GABRA3: variants seen among roughly 807,000 people sequenced by gnomAD.
The protein encoded by GABRA3 is gamma-aminobutyric acid type A receptor subunit alpha3.
GABRA3 carries 10 observed loss-of-function variants against 30.1 expected under a neutral mutation model. That is an observed-to-expected ratio of 0.33 (90% confidence interval 0.20 to 0.56). GABRA3 has a LOEUF of 0.56. Among genes scored for constraint, GABRA3 ranks in the 20% least tolerant of loss-of-function variants. GABRA3 has a pLI of 0.89. For synonymous variants in GABRA3, 151 were observed against 146.8 expected (o/e 1.03, Z -0.21); for missense variants, 233 against 392.0 (o/e 0.59, Z 3.42).
chrX:152,275,673 C>T lies in GABRA3; in HGVS notation c.330+8995G>A, dbSNP rs184467401. ...ACTGGGGAGGCTGAGGCAGGAGAAT[C>T]GCTTGAACCTGGGAGGCAGAAGTTG... is the stretch of plus-strand genomic sequence containing the variant. On this transcript the variant is annotated intron_variant, in intron 4 of 9. Coordinates refer to ENST00000370314, the MANE Select transcript of GABRA3 (RefSeq NM_000808.4). Among the ~76,000 whole-genome samples the T allele has an allele frequency of 8.0e-3, 859 of 107,789 alleles. 16 individuals are homozygous for T. Among genetic ancestry groups the T allele is most frequent in the East Asian group, 0.062 (218 of 3,492 alleles). 93.6% of individuals were successfully genotyped at this position (107,789 alleles called of 115,157 possible). A position where few individuals can be genotyped will look rare whatever the true frequency, so the allele number is the denominator to read the frequency against.
At chrX:152,410,856 C>G (rs1174520652) in intron 1 of GABRA3, among the ~76,000 whole-genome samples, 1 of 111,202 alleles carries the variant, frequency 9.0e-6, no homozygotes, top group Non-Finnish European at 1.9e-5. Flanking sequence ...GAAACTGTCC[C>G]TGGACAAAAT....
chrX:152,241,563 C>T (rs1395965230), intron 5 of GABRA3, among the ~76,000 whole-genome samples: 1 of 109,069 alleles, frequency 9.2e-6, no homozygotes, highest in Non-Finnish European at 1.9e-5. Context: ...GCTTTGTTTA[C>T]CTAAGCAAGC....
intron 5 of GABRA3, among the ~76,000 whole-genome samples, chrX:152,238,737 G>C (rs867719032): frequency 9.4e-6 from 1 of 106,947 alleles, no homozygotes; most frequent in African/African-American, 3.4e-5. Flanking sequence ...TGTATGTGTC[G>C]AGGAATTTAT....
At chrX:152,248,001 C>A (rs1246332420) in intron 5 of GABRA3, among the ~76,000 whole-genome samples, 3 of 110,919 alleles carry the variant, frequency 2.7e-5, no homozygotes, top group Non-Finnish European at 3.8e-5. Context: ...GGGACATTCT[C>A]AACGCACCTT....
intron 4 of GABRA3, among the ~76,000 whole-genome samples, chrX:152,280,416 A>G (rs1939178624): frequency 9.0e-6 from 1 of 111,459 alleles, no homozygotes; most frequent in Admixed American, 9.6e-5. Context: ...AGACATAGCT[A>G]CTTTTTCTAG....
chrX:152,185,481 C>T (rs1165571669), intron 9 of GABRA3, among the ~76,000 whole-genome samples: 2 of 111,299 alleles, frequency 1.8e-5, no homozygotes, highest in Non-Finnish European at 3.8e-5. Context: ...TAAGTCCTCT[C>T]TCTGTCTTCA....
intron 1 of GABRA3, among the ~76,000 whole-genome samples, chrX:152,432,389 C>T (rs749102539): frequency 4.1e-4 from 45 of 110,889 alleles, no homozygotes; most frequent in Admixed American, 3.3e-3. Flanking sequence ...AAATTAAGAC[C>T]TCATATACTT....
intron 9 of GABRA3, among the ~76,000 whole-genome samples, chrX:152,184,093 C>G (rs1248125680): frequency 9.1e-6 from 1 of 110,043 alleles, no homozygotes; most frequent in Non-Finnish European, 1.9e-5. Context: ...TTTTCAATAC[C>G]TCTTCCTTAT....
intron 1 of GABRA3, among the ~76,000 whole-genome samples, chrX:152,446,555 TA>T (rs1183184344): frequency 0.012 from 1,116 of 97,022 alleles, 12 homozygotes; most frequent in African/African-American, 0.029. Context: ...TCCCATATCC[TA>T]AAAAAAAAAA....
chrX:152,260,276 G>T (rs1192630263), intron 4 of GABRA3, among the ~76,000 whole-genome samples: 1 of 111,702 alleles, frequency 9.0e-6, no homozygotes, highest in Non-Finnish European at 1.9e-5. Flanking sequence ...CTCCCAGATG[G>T]CATGTCTAGA....
chrX:152,249,186 C>A (rs887598675), intron 5 of GABRA3, among the ~76,000 whole-genome samples: 8 of 110,654 alleles, frequency 7.2e-5, no homozygotes, highest in African/African-American at 2.6e-4. Context: ...TATATTACAC[C>A]CCTAATACTT....
chrX:152,190,270 C>A (rs1323339839), intron 8 of GABRA3, among the ~76,000 whole-genome samples: 3 of 109,498 alleles, frequency 2.7e-5, no homozygotes, highest in Admixed American at 2.0e-4. Context: ...AAAAAAAAAA[C>A]TAGCTCACGA....
rs772008991 is a variant in GABRA3, at chrX:152,244,460, C to T, written c.551+11318G>A. ...AAAGGAAAATGTTAGTCTCTTCTGC[C>T]ATGTGAGGACACAGCAAAAAGTTGC... On this transcript the variant is annotated intron_variant, in intron 5 of 9. Transcript: ENST00000370314. Among the ~76,000 whole-genome samples the T allele has an allele frequency of 5.4e-5, 6 of 111,923 alleles. No individual in the cohort carries two copies. The East Asian group carries it at 1.7e-3, about 31-fold the overall frequency.
At chrX:152,205,563 C>T (rs773972737) in intron 7 of GABRA3, among the ~76,000 whole-genome samples, 39 of 111,822 alleles carry the variant, frequency 3.5e-4, no homozygotes, top group South Asian at 1.9e-3. Flanking sequence ...GCTACACTTC[C>T]TAGTGACAAC....
chrX:152,393,501 G>T (rs758874697), intron 1 of GABRA3: 1 of 376,374 alleles, frequency 2.7e-6, no homozygotes, highest in Non-Finnish European at 5.3e-6. Flanking sequence ...CAACCATGGT[G>T]CATGAGCAAA....
In GABRA3 at chrX:152,416,698, C is replaced by T. The variant is rs767870500; in HGVS notation, c.-27+34448G>A. 6.5e-4 allele frequency among the ~76,000 whole-genome samples: 72 copies of T among 110,818 alleles called. No individual in the cohort carries two copies. The East Asian group carries it at 0.019, about 30-fold the overall frequency. ...AGAGATATAGATCAATGGAACAGAA[C>T]AGAGCCCTCAGAAATAACACCACAT... On this transcript the variant is annotated intron_variant, in intron 1 of 9. Coordinates refer to ENST00000370314, the MANE Select transcript of GABRA3 (RefSeq NM_000808.4).
At chrX:152,315,644 G>A (rs961697864) in intron 3 of GABRA3, among the ~76,000 whole-genome samples, 3 of 110,972 alleles carry the variant, frequency 2.7e-5, no homozygotes, top group African/African-American at 9.8e-5. Flanking sequence ...AAACAAACTC[G>A]GTGCCATTTG....
At chrX:152,245,660 C>T (rs761236551) in intron 5 of GABRA3, among the ~76,000 whole-genome samples, 1 of 112,018 alleles carries the variant, frequency 8.9e-6, no homozygotes, top group South Asian at 3.7e-4. Flanking sequence ...GTATCTGTGT[C>T]TTTTCATACA....
intron 9 of GABRA3, among the ~76,000 whole-genome samples, chrX:152,182,722 G>GTATATATAGTATATA (rs1569348627): frequency 3.1e-4 from 1 of 3,207 alleles, no homozygotes; most frequent in Non-Finnish European, 4.5e-4. Flanking sequence ...ACATATATAG[G>GTATATATAGTATATA]TATAGTGTAT....
Sources: gnomAD v4.1 joint callset for allele counts (sites outside exome capture counted in the v4.1 genomes callset) on GRCh38, gnomAD v4.1.1 for gene constraint, MANE v1.5 for transcripts, NCBI Gene and HGNC (gene_info 2026-07-23, HGNC 2026-07-21) for gene names.